REDIC1: variants seen among roughly 807,000 people sequenced by gnomAD.
The protein encoded by REDIC1 is regulator of DNA class I crossover intermediates 1.
At chr12:39,781,974 T>A in the REDIC1 span, among the ~76,000 whole-genome samples, 1 of 152,180 alleles carries the variant, frequency 6.6e-6, no homozygotes, top group Admixed American at 6.5e-5. Context: ...GTTATGGTTG[T>A]CTTGTGAATA....
the REDIC1 span, among the ~76,000 whole-genome samples, chr12:39,769,089 G>A: frequency 1.3e-5 from 2 of 152,188 alleles, no homozygotes; most frequent in Admixed American, 6.5e-5. Flanking sequence ...AAACCATGCT[G>A]TTGGGCTGTA....
the REDIC1 span, among the ~76,000 whole-genome samples, chr12:39,906,129 GAAC>G: frequency 4.1e-3 from 2 of 482 alleles, no homozygotes; most frequent in African/African-American, 5.2e-3. Flanking sequence ...TGCAGATACA[GAAC>G]TTTGAACTTT....
chr12:39,731,958 GA>G, the REDIC1 span, among the ~76,000 whole-genome samples: 1 of 151,892 alleles, frequency 6.6e-6, no homozygotes, highest in Non-Finnish European at 1.5e-5. Flanking sequence ...CCACCCAAGT[GA>G]AAAAACAGAA....
chr12:39,683,129 C>G, the REDIC1 span: 2,399 of 1,595,992 alleles, frequency 1.5e-3, 29 homozygotes, highest in African/African-American at 0.029. Context: ...CCAAGCAGCT[C>G]TGAAAGAAAA....
chr12:39,775,953 T>C, the REDIC1 span, among the ~76,000 whole-genome samples: 1 of 152,296 alleles, frequency 6.6e-6, no homozygotes, highest in Non-Finnish European at 1.5e-5. Flanking sequence ...ATGTCAGCAC[T>C]CAAAAAGCTT....
At chr12:39,903,523 C>T in the REDIC1 span, among the ~76,000 whole-genome samples, 17 of 151,992 alleles carry the variant, frequency 1.1e-4, no homozygotes, top group African/African-American at 3.9e-4. Context: ...GAGGGAAGCT[C>T]ATGACAAGAT....
chr12:39,832,756 TC>T, the REDIC1 span, among the ~76,000 whole-genome samples: 58 of 152,008 alleles, frequency 3.8e-4, no homozygotes, highest in Non-Finnish European at 7.5e-4. Context: ...ACTGACCACT[TC>T]CCATCATTTC....
At chr12:39,870,204 T>TA in the REDIC1 span, among the ~76,000 whole-genome samples, 2 of 152,164 alleles carry the variant, frequency 1.3e-5, no homozygotes, top group Admixed American at 6.5e-5. Flanking sequence ...ATTTAAAAAA[T>TA]AGACTTCTTG....
At chr12:39,662,186 T>G in the REDIC1 span, among the ~76,000 whole-genome samples, 3 of 151,582 alleles carry the variant, frequency 2.0e-5, no homozygotes, top group Non-Finnish European at 4.4e-5. Context: ...TGTGAAAAAT[T>G]TATTGACAGA....
At chr12:39,722,063 T>C in the REDIC1 span, 2 of 152,132 alleles carry the variant, frequency 1.3e-5, no homozygotes, top group South Asian at 2.1e-4. Context: ...ATATATTTCA[T>C]GGTACACAGC....
At chr12:39,698,165 T>C in the REDIC1 span, among the ~76,000 whole-genome samples, 1 of 152,294 alleles carries the variant, frequency 6.6e-6, no homozygotes, top group African/African-American at 2.4e-5. Flanking sequence ...AAGGTCATTA[T>C]AATTCCTGAT....
the REDIC1 span, among the ~76,000 whole-genome samples, chr12:39,824,922 T>G: frequency 6.6e-6 from 1 of 151,988 alleles, no homozygotes; most frequent in Non-Finnish European, 1.5e-5. Flanking sequence ...AGAAAAGACA[T>G]AGAGACAGGA....
the REDIC1 span, chr12:39,721,897 A>G: frequency 6.6e-6 from 1 of 152,146 alleles, no homozygotes; most frequent in African/African-American, 2.4e-5. Context: ...GAAATTAAAA[A>G]ATGATTTATG....
chr12:39,646,589 T>C, the REDIC1 span: 3 of 846,270 alleles, frequency 3.5e-6, no homozygotes, highest in African/African-American at 1.8e-5. Context: ...CTGTTAACAG[T>C]ATTATGCAAT....
chr12:39,692,925 G>C, the REDIC1 span, among the ~76,000 whole-genome samples: 4 of 152,104 alleles, frequency 2.6e-5, no homozygotes, highest in South Asian at 4.1e-4. Context: ...TAACAGTCTT[G>C]GTTGTTACAT....
At chr12:39,762,807 T>G in the REDIC1 span, among the ~76,000 whole-genome samples, 667 of 152,174 alleles carry the variant, frequency 4.4e-3, 5 homozygotes, top group African/African-American at 0.015. Flanking sequence ...GTAGACCAAA[T>G]GGACCAGTGC....
chr12:39,903,912 C>T, the REDIC1 span, among the ~76,000 whole-genome samples: 143 of 152,122 alleles, frequency 9.4e-4, 2 homozygotes, highest in Non-Finnish European at 1.3e-3. Context: ...GGACTGATAT[C>T]CCTTGGAGTC....
the REDIC1 span, among the ~76,000 whole-genome samples, chr12:39,886,159 G>A: frequency 6.6e-6 from 1 of 152,280 alleles, no homozygotes; most frequent in Middle Eastern, 3.4e-3. Flanking sequence ...AGGAAAGAAA[G>A]ATGATCAATT....
At chr12:39,749,715 C>T in the REDIC1 span, among the ~76,000 whole-genome samples, 1 of 152,146 alleles carries the variant, frequency 6.6e-6, no homozygotes, top group African/African-American at 2.4e-5. Context: ...AAAGCTTATC[C>T]ACCATGATCA....
Sources: allele counts gnomAD v4.1 joint callset (sites outside exome capture counted in the v4.1 genomes callset), GRCh38; gene constraint gnomAD v4.1.1; transcripts MANE v1.5; gene names NCBI Gene and HGNC (gene_info 2026-07-23, HGNC 2026-07-21).